Variants in ADAMTS12 observed in about 807,000 individuals in gnomAD.
ADAMTS12 encodes the protein ADAM metallopeptidase with thrombospondin type 1 motif 12.
In ADAMTS12, 118 loss-of-function variants were observed where a neutral mutation model predicts 167.8. That is an observed-to-expected ratio of 0.70 (90% CI 0.61 to 0.82). The LOEUF is 0.82. ADAMTS12 is among the 40% of genes least tolerant of loss of function. ADAMTS12 has a pLI of 0.00. For missense variants in ADAMTS12, 1,916 were observed against 1,998.8 expected (o/e 0.96, Z 0.79); for synonymous variants, 704 against 716.9 (o/e 0.98, Z 0.29).
intron 2 of ADAMTS12, among the ~76,000 whole-genome samples, chr5:33,753,130 A>G (rs2112394084): frequency 6.6e-6 from 1 of 152,348 alleles, no homozygotes; most frequent in South Asian, 2.1e-4. Flanking sequence ...AACGCCTACT[A>G]CCTCATAGGG....
At position 33,561,174 on chromosome 5, in the gene ADAMTS12, G is replaced by A; in HGVS notation, c.3978C>T (p.Ser1326=). ...HWIVGNWSEC[S]TTCGLGAYWR... The stretch of plus-strand genomic sequence containing the variant: ...AGTAGGCCCCCAGGCCACATGTGGT[G>A]GAGCACTGTAGCAGGGAAGGAGAGA... Residue 1326 remains serine (S), a synonymous_variant, in exon 20 of 24, where the codon TCC becomes TCT. Transcript: ENST00000504830. 1.2e-6 allele frequency: 2 copies of A among 1,613,810 alleles called. No individual in the cohort carries two copies. The highest frequency in any genetic ancestry group is 1.7e-6 in the Non-Finnish European group (2 of 1,179,978).
chr5:33,780,899 T>A (rs1251683703), intron 2 of ADAMTS12, among the ~76,000 whole-genome samples: 1 of 152,120 alleles, frequency 6.6e-6, no homozygotes, highest in Non-Finnish European at 1.5e-5. Context: ...GCAGGAGTGG[T>A]CTCATCAGGG....
At chr5:33,883,784 T>C (rs1050935787) in intron 1 of ADAMTS12, among the ~76,000 whole-genome samples, 3 of 152,220 alleles carry the variant, frequency 2.0e-5, no homozygotes, top group Non-Finnish European at 2.9e-5. Flanking sequence ...AAATTCATGA[T>C]ACTAGTGTGC....
At chr5:33,570,181 T>G (rs1265605268) in intron 19 of ADAMTS12, among the ~76,000 whole-genome samples, 1 of 152,172 alleles carries the variant, frequency 6.6e-6, no homozygotes, top group African/African-American at 2.4e-5. Context: ...TGCAGGATAT[T>G]ATCCAGGAGA....
At chr5:33,596,205 G>T in intron 16 of ADAMTS12, 145 bp from the exon 17 acceptor site, 1 of 971,912 alleles carries the variant, frequency 1.0e-6, no homozygotes, top group Non-Finnish European at 1.5e-6. Flanking sequence ...AAGGAGGGAT[G>T]AAGAATAGGG....
chr5:33,613,103 C>T (rs1738810449), intron 16 of ADAMTS12, among the ~76,000 whole-genome samples: 1 of 152,132 alleles, frequency 6.6e-6, no homozygotes. Flanking sequence ...GTCTTCTGCT[C>T]CATTCACTTG....
At chr5:33,885,766 G>C (rs1487051459) in intron 1 of ADAMTS12, among the ~76,000 whole-genome samples, 2 of 152,220 alleles carry the variant, frequency 1.3e-5, no homozygotes, top group African/African-American at 4.8e-5. Context: ...TGGAGATGGG[G>C]AGGGGGCAGC....
intron 2 of ADAMTS12, among the ~76,000 whole-genome samples, chr5:33,875,218 T>C (rs1204299030): frequency 4.6e-5 from 7 of 152,312 alleles, no homozygotes; most frequent in African/African-American, 1.7e-4. Flanking sequence ...CTCAGGGCAG[T>C]GAAAATCCTC....
chr5:33,699,514 G>A (rs552068971), intron 3 of ADAMTS12, among the ~76,000 whole-genome samples: 5 of 152,116 alleles, frequency 3.3e-5, no homozygotes, highest in African/African-American at 1.2e-4. Flanking sequence ...ACTAGGCCAC[G>A]AATTCTAAGA....
intron 20 of ADAMTS12, among the ~76,000 whole-genome samples, chr5:33,550,303 C>T (rs1353114291): frequency 6.6e-6 from 1 of 152,194 alleles, no homozygotes; most frequent in African/African-American, 2.4e-5. Flanking sequence ...TTTATCTGAT[C>T]ATAACTTGTG....
intron 2 of ADAMTS12, among the ~76,000 whole-genome samples, chr5:33,828,001 T>C (rs1748156826): frequency 6.6e-6 from 1 of 152,208 alleles, no homozygotes; most frequent in South Asian, 2.1e-4. Flanking sequence ...AAATCAGCAC[T>C]GTGATCATTT....
chr5:33,667,432 T>G (rs1174701287), intron 5 of ADAMTS12, among the ~76,000 whole-genome samples: 1 of 152,042 alleles, frequency 6.6e-6, no homozygotes. Context: ...GGTTACACCA[T>G]TGGTTGTATC....
At chr5:33,658,463 T>A in intron 6 of ADAMTS12, 130 bp from the exon 7 acceptor site, 5 of 1,032,390 alleles carry the variant, frequency 4.8e-6, no homozygotes, top group Non-Finnish European at 6.9e-6. Flanking sequence ...TTAAAAAGTC[T>A]ACATGAATGT....
chr5:33,691,498 CT>C (rs1321528403), intron 3 of ADAMTS12, among the ~76,000 whole-genome samples: 1 of 152,172 alleles, frequency 6.6e-6, no homozygotes, highest in Non-Finnish European at 1.5e-5. Context: ...GGAATGCTTT[CT>C]TTTTAGGGTT....
chr5:33,720,317 T>C (rs1671251049), intron 3 of ADAMTS12, among the ~76,000 whole-genome samples: 1 of 78,204 alleles, frequency 1.3e-5, no homozygotes, highest in Non-Finnish European at 3.5e-5. Flanking sequence ...CACACACGAT[T>C]GCCAATTTCA....
At chr5:33,782,223 T>A (rs932453376) in intron 2 of ADAMTS12, among the ~76,000 whole-genome samples, 6 of 151,822 alleles carry the variant, frequency 4.0e-5, no homozygotes, top group African/African-American at 1.5e-4. Flanking sequence ...AGCACACAGG[T>A]GAGGGAGTAA....
intron 2 of ADAMTS12, among the ~76,000 whole-genome samples, chr5:33,796,603 T>A (rs887328595): frequency 6.6e-6 from 1 of 152,154 alleles, no homozygotes; most frequent in African/African-American, 2.4e-5. Flanking sequence ...ATGTCTAGTT[T>A]TTGCCAATGA....
intron 2 of ADAMTS12, among the ~76,000 whole-genome samples, chr5:33,776,665 A>G (rs1435992342): frequency 1.3e-5 from 2 of 152,126 alleles, no homozygotes; most frequent in South Asian, 2.1e-4. Flanking sequence ...GAAATCAGAA[A>G]AAAAGGAACA....
intron 1 of ADAMTS12, among the ~76,000 whole-genome samples, chr5:33,890,550 G>A (rs754164966): frequency 2.6e-5 from 4 of 152,156 alleles, no homozygotes; most frequent in Admixed American, 6.5e-5. Context: ...CCTAAACAAG[G>A]ACAGGCTGGT....
Sources: gnomAD v4.1 joint callset for allele counts (sites outside exome capture counted in the v4.1 genomes callset) on GRCh38, gnomAD v4.1.1 for gene constraint, MANE v1.5 for transcripts, NCBI Gene and HGNC (gene_info 2026-07-23, HGNC 2026-07-21) for gene names.